ATRN: variants seen among roughly 807,000 people sequenced by gnomAD.
ATRN encodes attractin-2.
Under a neutral mutation model 178.7 loss-of-function variants are expected in ATRN, and 54 were observed. The observed-to-expected ratio is 0.30, with a 90% CI of 0.24 to 0.38. The LOEUF (loss-of-function observed/expected upper bound fraction) is 0.38, where lower values mean the gene tolerates loss of function less well. Among genes scored for constraint, ATRN ranks in the 10% least tolerant of loss-of-function variants. The pLI is 1.00. For synonymous variants in ATRN, 636 were observed against 663.0 expected, an observed-to-expected ratio of 0.96 and a Z score of 0.63; for missense variants, 1,443 against 1,815.1, an observed-to-expected ratio of 0.79 and a Z score of 3.73.
At position 3,549,312 on chromosome 20, in the gene ATRN, C is replaced by G. The variant is rs1321221754; in HGVS notation, c.1086C>G (p.Asn362Lys). The change falls in exon 6 of 29, where the codon AAC (asparagine) becomes AAG (lysine). Residue 362 changes from asparagine (N) to lysine (K), a missense_variant. Around this residue, in one of 4 missense-constraint regions of ATRN, gnomAD observed 862 missense variants for 972.1 expected, o/e 0.89. Coordinates refer to ENST00000262919, the MANE Select transcript of ATRN (RefSeq NM_139321.3). ...GGGTTGTTGGAGGATATATGTTCAACCACTCAGATTATAACATGGTTCTAG... is the reference window on the plus strand; with the variant it reads ...GGGTTGTTGGAGGATATATGTTCAAGCACTCAGATTATAACATGGTTCTAG... Reference protein sequence around the residue: ...IMWVVGGYMFNHSDYNMVLAY... With the variant: ...IMWVVGGYMFKHSDYNMVLAY... 1 of 1,601,626 alleles carries G rather than the reference C, an allele frequency of 6.2e-7. No individual in the cohort carries two copies. The highest frequency in any genetic ancestry group is 1.3e-5 in the African/African-American group (1 of 74,366).
At chr20:3,584,425 C>T (rs1194180236) in intron 17 of ATRN, among the ~76,000 whole-genome samples, 1 of 152,150 alleles carries the variant, frequency 6.6e-6, no homozygotes, top group East Asian at 1.9e-4. Flanking sequence ...TCTAAGGTCC[C>T]TTTTGCCTTC....
chr20:3,624,325 T>C (rs2086919972), intron 24 of ATRN, among the ~76,000 whole-genome samples, 186 bp from the exon 25 acceptor site: 1 of 152,220 alleles, frequency 6.6e-6, no homozygotes, highest in African/African-American at 2.4e-5. Context: ...CCTCAGTGTA[T>C]TGCTATGGGA....
At chr20:3,592,524 G>A in intron 19 of ATRN, 1 of 964,948 alleles carries the variant, frequency 1.0e-6, no homozygotes, top group Non-Finnish European at 1.2e-6. Flanking sequence ...TTAATGAACT[G>A]CTTTTTTTAT....
chr20:3,606,639 CTGT>C (rs2086680851), intron 24 of ATRN, among the ~76,000 whole-genome samples: 1 of 152,220 alleles, frequency 6.6e-6, no homozygotes, highest in South Asian at 2.1e-4. Context: ...CACCATCACC[CTGT>C]TGTACAAGCT....
At chr20:3,483,972 G>T (rs2084657428) in intron 1 of ATRN, among the ~76,000 whole-genome samples, 1 of 151,976 alleles carries the variant, frequency 6.6e-6, no homozygotes, top group Non-Finnish European at 1.5e-5. Flanking sequence ...CATGAGGCCG[G>T]GCATGATGAC....
intron 24 of ATRN, among the ~76,000 whole-genome samples, chr20:3,608,268 A>G (rs145938614): frequency 7.7e-4 from 118 of 152,300 alleles, no homozygotes; most frequent in African/African-American, 2.8e-3. Flanking sequence ...ATCTTACACA[A>G]AACATCTTTG....
intron 25 of ATRN, among the ~76,000 whole-genome samples, chr20:3,633,871 TTC>T (rs996790665): frequency 2.6e-5 from 4 of 152,278 alleles, no homozygotes; most frequent in African/African-American, 9.6e-5. Context: ...CACACATTTC[TTC>T]TGTTTGCCTC....
intron 11 of ATRN, 21 bp downstream of exon 11, chr20:3,565,453 TC>T: frequency 6.3e-7 from 1 of 1,592,142 alleles, no homozygotes; most frequent in South Asian, 1.1e-5. Context: ...AAGTGATTGC[TC>T]CTTTTCTTTT....
chr20:3,495,282 A>G (rs911359678), intron 1 of ATRN, among the ~76,000 whole-genome samples: 2 of 152,190 alleles, frequency 1.3e-5, no homozygotes, highest in Non-Finnish European at 2.9e-5. Flanking sequence ...AAATTACAAG[A>G]TCATATATGG....
chr20:3,553,302 A>G (rs938190964), intron 6 of ATRN, among the ~76,000 whole-genome samples: 18 of 152,134 alleles, frequency 1.2e-4, no homozygotes, highest in Non-Finnish European at 2.6e-4. Flanking sequence ...AAATCTGGGA[A>G]TCTTTAGATA....
intron 24 of ATRN, among the ~76,000 whole-genome samples, chr20:3,608,792 C>A (rs180985764): frequency 6.6e-6 from 1 of 152,078 alleles, no homozygotes; most frequent in East Asian, 1.9e-4. Context: ...CATGGCAAAA[C>A]CCTGTCTCTA....
intron 24 of ATRN, among the ~76,000 whole-genome samples, chr20:3,622,350 T>A (rs545369287): frequency 3.2e-4 from 48 of 152,356 alleles, no homozygotes; most frequent in Admixed American, 1.2e-3. Context: ...TTGCCAATGG[T>A]TTTGTGCGAG....
intron 22 of ATRN, among the ~76,000 whole-genome samples, chr20:3,599,045 T>C (rs563403404): frequency 6.6e-6 from 1 of 152,320 alleles, no homozygotes; most frequent in South Asian, 2.1e-4. Flanking sequence ...TTTTTAATAT[T>C]CTATTTCAAA....
At chr20:3,504,943 T>C (rs1458293720) in intron 1 of ATRN, among the ~76,000 whole-genome samples, 1 of 152,042 alleles carries the variant, frequency 6.6e-6, no homozygotes, top group African/African-American at 2.4e-5. Context: ...ATTGCAGTAA[T>C]TGAAGTAATC....
At chr20:3,624,153 G>GAATT (rs2086918208) in intron 24 of ATRN, among the ~76,000 whole-genome samples, 1 of 152,182 alleles carries the variant, frequency 6.6e-6, no homozygotes, top group South Asian at 2.1e-4. Context: ...GCAGAGCCAT[G>GAATT]AATTGGTACT....
intron 27 of ATRN, among the ~76,000 whole-genome samples, chr20:3,639,323 C>T (rs7262637): frequency 0.17 from 25,974 of 151,938 alleles, 4,589 homozygotes; most frequent in African/African-American, 0.46. Flanking sequence ...GGCATGATCT[C>T]GGCTCACTGC....
chr20:3,547,382 G>A lies in ATRN; in HGVS notation c.836G>A (p.Gly279Asp), dbSNP rs775014369. 1.9e-6 allele frequency: 3 copies of A among 1,613,876 alleles called. No individual in the cohort carries two copies. Among genetic ancestry groups the A allele is most frequent in the Non-Finnish European group, 2.5e-6 (3 of 1,179,734 alleles). ...TGTGAATGTTCTGAAAACTGGAAAG[G>A]TGAAGCATGTGACATTCCTCACTGT... ...VECECSENWK[G>D]EACDIPHCTD... Residue 279 changes from glycine to aspartate, a missense_variant, in exon 5 of 29, where the codon GGT becomes GAT. Gly to Asp is a moderately conservative substitution (Grantham distance 94, BLOSUM62 -1). This residue lies in a region of ATRN where 862 missense variants were observed against 972.1 expected (regional missense o/e 0.89). Coordinates refer to ENST00000262919, the MANE Select transcript of ATRN (RefSeq NM_139321.3).
At chr20:3,614,627 T>A (rs975119237) in intron 24 of ATRN, among the ~76,000 whole-genome samples, 1 of 152,236 alleles carries the variant, frequency 6.6e-6, no homozygotes, top group African/African-American at 2.4e-5. Flanking sequence ...TTTTTTCTTA[T>A]AACAGCTTTA....
chr20:3,487,687 A>G (rs759990859), intron 1 of ATRN, among the ~76,000 whole-genome samples: 1 of 152,012 alleles, frequency 6.6e-6, no homozygotes, highest in Non-Finnish European at 1.5e-5. Flanking sequence ...CTTCTTCTAG[A>G]TATCTTTGGG....
Sources: allele counts gnomAD v4.1 joint callset (sites outside exome capture counted in the v4.1 genomes callset), GRCh38; gene constraint gnomAD v4.1.1; regional missense constraint gnomAD v4.1.1; transcripts MANE v1.5; gene names NCBI Gene and HGNC (gene_info 2026-07-23, HGNC 2026-07-21).